GAS7: variants seen among roughly 807,000 people sequenced by gnomAD.
The protein encoded by GAS7 is growth arrest-specific protein 7.
GAS7 carries 28 observed loss-of-function variants against 71.1 expected under a neutral mutation model. The ratio of observed to expected loss-of-function variants is 0.39; its 90% CI spans 0.29 to 0.54. GAS7 has a LOEUF of 0.54. Ranked by LOEUF, GAS7 falls within the 20% of genes least tolerant of loss-of-function variation. The pLI is 0.62. For synonymous variants in GAS7, 258 were observed against 245.8 expected (o/e 1.05, Z -0.46); for missense variants, 436 against 627.8 (o/e 0.69, Z 3.27).
intron 1 of GAS7, among the ~76,000 whole-genome samples, chr17:10,020,637 C>T (rs1351194324): frequency 6.6e-6 from 1 of 151,992 alleles, no homozygotes; most frequent in Admixed American, 6.5e-5. Flanking sequence ...CATGGCCGGG[C>T]GCAGTGGCTC....
chr17:10,000,481 G>T (rs1219379679), intron 2 of GAS7, among the ~76,000 whole-genome samples: 2 of 152,174 alleles, frequency 1.3e-5, no homozygotes, highest in African/African-American at 4.8e-5. Flanking sequence ...CTCCAAACGG[G>T]TGGTAATGAT....
Position 10,103,761 on chromosome 17 carries a change from G to A in GAS7, c.184-83864C>T, listed in dbSNP as rs769444883. Among the ~76,000 whole-genome samples, 9 of 151,636 alleles carry A rather than the reference G, an allele frequency of 5.9e-5. No homozygotes were observed. Among genetic ancestry groups the A allele is most frequent in the Non-Finnish European group, 1.3e-4 (9 of 67,878 alleles). The stretch of plus-strand genomic sequence containing the variant: ...GAACTGCTTGAACCTGGGAGGCAGA[G>A]GTTGCAGTGAGCCAAGATCTCACCA... On this transcript the variant is annotated intron_variant, in intron 1 of 13. Transcript: ENST00000432992. The surrounding 1 kb of genome is among the most constrained non-coding windows in gnomAD (Gnocchi z 5.5).
At chr17:9,968,340 C>G (rs2069808776) in intron 4 of GAS7, among the ~76,000 whole-genome samples, 1 of 152,174 alleles carries the variant, frequency 6.6e-6, no homozygotes, top group Non-Finnish European at 1.5e-5. Context: ...CCTACAGCAT[C>G]AGCGTCACCT....
At chr17:10,052,076 T>C (rs371498786) in intron 1 of GAS7, among the ~76,000 whole-genome samples, 3 of 152,276 alleles carry the variant, frequency 2.0e-5, no homozygotes, top group South Asian at 4.1e-4. Context: ...TCTCCAAGAC[T>C]GGTGCTAGTT....
intron 1 of GAS7, among the ~76,000 whole-genome samples, chr17:10,082,638 C>T (rs2073470055): frequency 6.6e-6 from 1 of 152,200 alleles, no homozygotes; most frequent in South Asian, 2.1e-4. Flanking sequence ...CAATTTCACT[C>T]CTACGTACTT....
chr17:9,957,912 T>A (rs2069313982), intron 5 of GAS7, among the ~76,000 whole-genome samples: 1 of 152,180 alleles, frequency 6.6e-6, no homozygotes, highest in Non-Finnish European at 1.5e-5. Flanking sequence ...AGGACATAGA[T>A]TTCAAATCCT....
At chr17:10,125,905 C>T (rs890521696) in intron 1 of GAS7, among the ~76,000 whole-genome samples, 1 of 152,196 alleles carries the variant, frequency 6.6e-6, no homozygotes, top group South Asian at 2.1e-4. Flanking sequence ...ACACCCGCCC[C>T]GATTCCTATC....
intron 1 of GAS7, among the ~76,000 whole-genome samples, chr17:10,167,679 T>A (rs2074306130): frequency 6.6e-6 from 1 of 152,030 alleles, no homozygotes; most frequent in Admixed American, 6.6e-5. Context: ...TTTTTCTGTG[T>A]CTTTTTTTAG....
At position 9,926,871 on chromosome 17, in the gene GAS7, TGAG is replaced by T; in HGVS notation, c.886-105_886-103del. 1 of 1,284,050 alleles carries T rather than the reference TGAG, an allele frequency of 7.8e-7. No homozygotes were observed. The highest frequency in any genetic ancestry group is 1.1e-6 in the Non-Finnish European group (1 of 887,978). The allele number at this position is 1,284,050 out of a possible 1,614,324, so 79.5% of individuals were successfully genotyped here. On this transcript the variant is annotated intron_variant, in intron 9 of 13. Coordinates refer to ENST00000432992, the MANE Select transcript of GAS7 (RefSeq NM_201433.2). This position sits in a 1 kb window ranked among gnomAD's most constrained non-coding sequence, Gnocchi z 5.0. ...GGGCACCCCCACTTCCCCAGGCAAG[TGAG>T]GATGAGTCTGGGGTAGCGACCTGGC...
chr17:9,947,626 C>T (rs2068838846), intron 5 of GAS7, among the ~76,000 whole-genome samples: 2 of 152,010 alleles, frequency 1.3e-5, no homozygotes, highest in Non-Finnish European at 2.9e-5. Context: ...TGCGTGTAAT[C>T]CCAGCTAGTC....
intron 4 of GAS7, among the ~76,000 whole-genome samples, chr17:9,966,211 G>A: frequency 6.6e-6 from 1 of 151,830 alleles, no homozygotes; most frequent in East Asian, 1.9e-4. Flanking sequence ...TGTTAGCCAG[G>A]ATGGTCTCGA....
chr17:9,929,460 C>T (rs780019334), intron 9 of GAS7, among the ~76,000 whole-genome samples: 9 of 152,104 alleles, frequency 5.9e-5, no homozygotes, highest in Non-Finnish European at 1.2e-4. Context: ...TCGCTACAGA[C>T]ATCAAGTATT....
chr17:9,946,532 C>T (rs900526280), intron 6 of GAS7, among the ~76,000 whole-genome samples: 4 of 152,196 alleles, frequency 2.6e-5, no homozygotes, highest in Admixed American at 6.5e-5. Flanking sequence ...AGGTGAAGCA[C>T]TTGTCCAACG....
chr17:10,059,872 CCAAA>C (rs1364240393), intron 1 of GAS7: 1 of 905,706 alleles, frequency 1.1e-6, no homozygotes, highest in Non-Finnish European at 1.3e-6. Flanking sequence ...GCCGTGGCAA[CCAAA>C]CAAATGATAT....
intron 5 of GAS7, among the ~76,000 whole-genome samples, chr17:9,953,735 A>G (rs1398477681): frequency 1.3e-5 from 2 of 152,222 alleles, no homozygotes; most frequent in Non-Finnish European, 2.9e-5. Context: ...AGCTGCATGC[A>G]TACATTTGTA....
intron 1 of GAS7, among the ~76,000 whole-genome samples, chr17:10,093,830 T>C (rs2073613986): frequency 6.6e-6 from 1 of 152,196 alleles, no homozygotes; most frequent in South Asian, 2.1e-4. Context: ...ATGTATTTCA[T>C]CTACTACTAC....
chr17:9,927,032 C>A, intron 9 of GAS7: 1 of 398,460 alleles, frequency 2.5e-6, no homozygotes, highest in Non-Finnish European at 4.5e-6. Flanking sequence ...CTGATTTCCC[C>A]ATCTGTTAAC....
chr17:10,020,473 C>G (rs2072223895), intron 1 of GAS7, among the ~76,000 whole-genome samples: 1 of 152,214 alleles, frequency 6.6e-6, no homozygotes, highest in Non-Finnish European at 1.5e-5. Context: ...GGAGACAGAG[C>G]AGACGCTGAC....
intron 4 of GAS7, among the ~76,000 whole-genome samples, chr17:9,965,729 A>C (rs964986272): frequency 5.3e-5 from 8 of 152,218 alleles, no homozygotes; most frequent in South Asian, 2.1e-4. Flanking sequence ...TCTGCCCCCG[A>C]ATCAGGTGGG....
Sources: allele counts gnomAD v4.1 joint callset (sites outside exome capture counted in the v4.1 genomes callset), GRCh38; gene constraint gnomAD v4.1.1; non-coding constraint Gnocchi (gnomAD v3.1); transcripts MANE v1.5; gene names NCBI Gene and HGNC (gene_info 2026-07-23, HGNC 2026-07-21).